The following GALNT10 variants were observed in gnomAD, a reference collection of about 807,000 sequenced individuals.
GALNT10 encodes GalNAc transferase 10.
Under a neutral mutation model 75.0 loss-of-function variants are expected in GALNT10, and 41 were observed. That is an observed-to-expected ratio of 0.55 (90% CI 0.43 to 0.71). GALNT10 has a LOEUF of 0.71. Among genes scored for constraint, GALNT10 ranks in the 30% least tolerant of loss-of-function variants. The pLI, the probability that GALNT10 is intolerant of heterozygous loss-of-function variation, is 0.00. For synonymous variants in GALNT10, 302 were observed against 313.0 expected (o/e 0.96, Z 0.37); for missense variants, 727 against 818.5 (o/e 0.89, Z 1.36).
chr5:154,267,802 C>A (rs1319496093), intron 1 of GALNT10, among the ~76,000 whole-genome samples: 1 of 152,126 alleles, frequency 6.6e-6, no homozygotes, highest in South Asian at 2.1e-4. Context: ...AATGAACTTG[C>A]AAGAATTTAA....
At position 154,379,625 on chromosome 5, in the gene GALNT10, G is replaced by C. The variant is rs140368016; in HGVS notation, c.755-823G>C. Among the ~76,000 whole-genome samples the C allele has an allele frequency of 6.3e-3, 961 of 152,314 alleles. 14 individuals are homozygous for C. Among genetic ancestry groups the C allele is most frequent in the African/African-American group, 0.022 (921 of 41,582 alleles). On this transcript the variant is annotated intron_variant, in intron 5 of 11. Coordinates refer to ENST00000297107, the MANE Select transcript of GALNT10 (RefSeq NM_198321.4). ...AGGGCTTCTTGGCACAAAGAAGAAG[G>C]GCAGAGCAAACCAAAGCTGGAATTG...
chr5:154,386,654 T>G (rs545518914), intron 7 of GALNT10: 11 of 605,130 alleles, frequency 1.8e-5, no homozygotes, highest in Admixed American at 1.8e-4. Context: ...CAAAGGCTGG[T>G]CCTCACCACA....
intron 1 of GALNT10, among the ~76,000 whole-genome samples, chr5:154,264,313 CAAAA>C (rs372645621): frequency 1.9e-5 from 2 of 105,214 alleles, no homozygotes; most frequent in Non-Finnish European, 1.9e-5. Context: ...ACTCTGTCTC[CAAAA>C]AAAAAAAAAA....
intron 1 of GALNT10, among the ~76,000 whole-genome samples, chr5:154,211,264 G>A (rs1215159680): frequency 6.6e-6 from 1 of 152,176 alleles, no homozygotes; most frequent in African/African-American, 2.4e-5. Flanking sequence ...AAGAGCAGGG[G>A]ATGGAGCTGG....
intron 1 of GALNT10, among the ~76,000 whole-genome samples, chr5:154,232,638 G>A (rs1268970254): frequency 6.6e-6 from 1 of 152,212 alleles, no homozygotes; most frequent in East Asian, 1.9e-4. Flanking sequence ...AAGCCAGGAA[G>A]AAGCCTGGGG....
chr5:154,277,785 G>T (rs970032168), intron 1 of GALNT10, among the ~76,000 whole-genome samples: 1 of 152,092 alleles, frequency 6.6e-6, no homozygotes, highest in Non-Finnish European at 1.5e-5. Flanking sequence ...TACTCATGTG[G>T]TACTCATTAT....
At chr5:154,405,754 G>A (rs1264746558) in intron 8 of GALNT10, among the ~76,000 whole-genome samples, 2 of 152,098 alleles carry the variant, frequency 1.3e-5, no homozygotes, top group Non-Finnish European at 2.9e-5. Context: ...GCTGAGGTGG[G>A]AAGATCACTT....
intron 1 of GALNT10, among the ~76,000 whole-genome samples, chr5:154,291,502 C>G (rs1167440212): frequency 6.6e-6 from 1 of 152,182 alleles, no homozygotes; most frequent in Non-Finnish European, 1.5e-5. Flanking sequence ...CTAGTCCCAA[C>G]CCTGCACTTG....
chr5:154,265,940 A>G (rs1047993228), intron 1 of GALNT10, among the ~76,000 whole-genome samples: 1 of 151,946 alleles, frequency 6.6e-6, no homozygotes, highest in East Asian at 1.9e-4. Context: ...CTCCACTCTC[A>G]TCAGAAAAGA....
intron 4 of GALNT10, among the ~76,000 whole-genome samples, chr5:154,373,197 C>T (rs1337168710): frequency 6.6e-6 from 1 of 152,134 alleles, no homozygotes; most frequent in African/African-American, 2.4e-5. Flanking sequence ...TTGGTGAAGG[C>T]AGGTTGTCAG....
intron 1 of GALNT10, among the ~76,000 whole-genome samples, chr5:154,265,067 C>T (rs553534289): frequency 6.6e-6 from 1 of 152,256 alleles, no homozygotes; most frequent in African/African-American, 2.4e-5. Flanking sequence ...AAATAGCCAG[C>T]GAGCGTAATT....
rs1400698704 is a variant in GALNT10, at chr5:154,249,723, A to C, written c.160-45093A>C. On this transcript the variant is annotated intron_variant, in intron 1 of 11. Transcript: ENST00000297107. ...CAAACTCCCCATGTCACAGGAGTCTACCAGTTTGAGAGACAAAACTTCTAC... is the reference window on the plus strand; with the variant it reads ...CAAACTCCCCATGTCACAGGAGTCTCCCAGTTTGAGAGACAAAACTTCTAC... Among the ~76,000 whole-genome samples, 5 of 152,288 alleles carry C rather than the reference A, an allele frequency of 3.3e-5. No homozygotes were observed. In the East Asian group the frequency reaches 7.7e-4, roughly 24 times the overall value.
intron 4 of GALNT10, among the ~76,000 whole-genome samples, chr5:154,332,510 A>T (rs1036344071): frequency 2.6e-5 from 4 of 152,236 alleles, no homozygotes; most frequent in South Asian, 4.2e-4. Context: ...AGGCTGCACC[A>T]CTACCATTAT....
At chr5:154,211,462 G>A (rs1775197184) in intron 1 of GALNT10, among the ~76,000 whole-genome samples, 1 of 152,172 alleles carries the variant, frequency 6.6e-6, no homozygotes, top group Non-Finnish European at 1.5e-5. Context: ...TCTCATCCGT[G>A]TATGCAGGTT....
intron 4 of GALNT10, among the ~76,000 whole-genome samples, chr5:154,330,498 G>A (rs79509221): frequency 0.045 from 6,872 of 152,266 alleles, 493 homozygotes; most frequent in African/African-American, 0.15. Context: ...CAGCTCTCAT[G>A]TAGTCATGTG....
chr5:154,261,821 G>A (rs754345994), intron 1 of GALNT10, among the ~76,000 whole-genome samples: 13 of 152,172 alleles, frequency 8.5e-5, no homozygotes, highest in Non-Finnish European at 1.8e-4. Context: ...TTTAGCTTAC[G>A]ATTGTGCCAT....
intron 4 of GALNT10, among the ~76,000 whole-genome samples, chr5:154,358,445 A>C (rs938385915): frequency 4.6e-5 from 7 of 152,178 alleles, no homozygotes; most frequent in African/African-American, 1.7e-4. Context: ...CCCAGTGAAA[A>C]ACACTTCTAT....
At chr5:154,284,780 G>C (rs1754088491) in intron 1 of GALNT10, among the ~76,000 whole-genome samples, 1 of 152,220 alleles carries the variant, frequency 6.6e-6, no homozygotes, top group Non-Finnish European at 1.5e-5. Context: ...GTTTGGGAAG[G>C]AATGGGCAGG....
chr5:154,324,971 G>GA (rs148745043), intron 3 of GALNT10, among the ~76,000 whole-genome samples: 6,083 of 152,176 alleles, frequency 0.04, 169 homozygotes, highest in Middle Eastern at 0.11. Context: ...TAGAAGGAGG[G>GA]AAAAAACAAG....
Sources: gnomAD v4.1 joint callset for allele counts (sites outside exome capture counted in the v4.1 genomes callset) on GRCh38, gnomAD v4.1.1 for gene constraint, MANE v1.5 for transcripts, NCBI Gene and HGNC (gene_info 2026-07-23, HGNC 2026-07-21) for gene names.